Variants in CNTNAP5 observed in about 807,000 individuals in gnomAD.
CNTNAP5 encodes contactin associated protein family member 5.
Under a neutral mutation model 150.2 loss-of-function variants are expected in CNTNAP5, and 72 were observed. The observed-to-expected ratio is 0.48, with a 90% CI of 0.40 to 0.58. CNTNAP5 has a LOEUF of 0.58. CNTNAP5 is among the 20% of genes least tolerant of loss of function. CNTNAP5 has a pLI of 0.00. For synonymous variants in CNTNAP5, 672 were observed against 619.8 expected, an observed-to-expected ratio of 1.08 and a Z score of -1.25; for missense variants, 1,636 against 1,626.2, an observed-to-expected ratio of 1.01 and a Z score of -0.10.
At chr2:124,136,584 C>G (rs1376020959) in intron 1 of CNTNAP5, among the ~76,000 whole-genome samples, 1 of 152,094 alleles carries the variant, frequency 6.6e-6, no homozygotes, top group Non-Finnish European at 1.5e-5. Context: ...GAATACAGTA[C>G]TGAGAGTGAA....
intron 4 of CNTNAP5, among the ~76,000 whole-genome samples, chr2:124,423,207 C>T (rs1692150123): frequency 6.6e-6 from 1 of 152,168 alleles, no homozygotes; most frequent in African/African-American, 2.4e-5. Flanking sequence ...ACTAGTGTTG[C>T]TTCAACCAAG....
intron 14 of CNTNAP5, among the ~76,000 whole-genome samples, chr2:124,750,735 C>T (rs1337255973): frequency 6.6e-6 from 1 of 151,970 alleles, no homozygotes; most frequent in Admixed American, 6.5e-5. Flanking sequence ...CCTGTAATCC[C>T]AGCACTTTGG....
At chr2:124,351,093 T>C (rs1333561768) in intron 3 of CNTNAP5, among the ~76,000 whole-genome samples, 1 of 152,246 alleles carries the variant, frequency 6.6e-6, no homozygotes, top group Non-Finnish European at 1.5e-5. Flanking sequence ...TACATTTCTC[T>C]AGAGAAGAGA....
chr2:124,106,400 C>T lies in CNTNAP5; in HGVS notation c.82+80668C>T, dbSNP rs1683173918. 2.0e-5 allele frequency among the ~76,000 whole-genome samples: 3 copies of T among 152,106 alleles called. No individual in the cohort carries two copies. In the South Asian group the frequency reaches 6.2e-4, roughly 32 times the overall value. ...ATGGTTGGAATTATAGCACTTTAAG[C>T]CCGACCTCCCAACCTCTGGGCAGAG... On this transcript the variant is annotated intron_variant, in intron 1 of 23. Transcript: ENST00000682447.
chr2:124,800,460 C>A (rs972812852), intron 19 of CNTNAP5, among the ~76,000 whole-genome samples: 5 of 152,084 alleles, frequency 3.3e-5, no homozygotes, highest in African/African-American at 1.2e-4. Context: ...CATCACAACC[C>A]TGTTTGATTG....
chr2:124,564,339 T>C (rs1695962586), intron 11 of CNTNAP5, among the ~76,000 whole-genome samples: 1 of 152,106 alleles, frequency 6.6e-6, no homozygotes, highest in Admixed American at 6.6e-5. Flanking sequence ...CTTGATTTTT[T>C]ATTTGTTTAT....
At position 124,903,013 on chromosome 2, in the gene CNTNAP5, A is replaced by G. The variant is rs754417568; in HGVS notation, c.3568A>G (p.Thr1190Ala). Residue 1190 changes from threonine (T) to alanine (A), a missense_variant, in exon 22 of 24, where the codon ACT becomes GCT. Thr to Ala is a moderately conservative substitution (Grantham distance 58). Transcript: ENST00000682447. ...GCGCCATGCCACTGTCGCGCCTGTG[A>G]CTGTCCATGGGACCTTGACGGAATC... ...ALRHATVAPV[T>A]VHGTLTESSC... 1.9e-6 allele frequency: 3 copies of G among 1,611,418 alleles called. No individual in the cohort carries two copies. Among genetic ancestry groups the G allele is most frequent in the Non-Finnish European group, 2.5e-6 (3 of 1,178,838 alleles).
At chr2:124,250,887 A>G (rs1443825279) in intron 3 of CNTNAP5, among the ~76,000 whole-genome samples, 1 of 152,032 alleles carries the variant, frequency 6.6e-6, no homozygotes. Context: ...AGGAAAGCAT[A>G]ATACAGTAAC....
chr2:124,675,054 T>A (rs1003092887), intron 13 of CNTNAP5, among the ~76,000 whole-genome samples: 1 of 152,142 alleles, frequency 6.6e-6, no homozygotes, highest in African/African-American at 2.4e-5. Context: ...GAGTGTTGGA[T>A]TCTCAACCAT....
At chr2:124,808,903 G>A (rs548100893) in intron 19 of CNTNAP5, among the ~76,000 whole-genome samples, 17 of 152,140 alleles carry the variant, frequency 1.1e-4, no homozygotes, top group African/African-American at 3.9e-4. Flanking sequence ...CGGAAATAAA[G>A]GACTGTCTGC....
intron 19 of CNTNAP5, among the ~76,000 whole-genome samples, chr2:124,832,792 C>T (rs1001365200): frequency 1.3e-5 from 2 of 152,032 alleles, no homozygotes; most frequent in African/African-American, 2.4e-5. Flanking sequence ...GAATAGACAA[C>T]AGATTCAAGT....
intron 13 of CNTNAP5, among the ~76,000 whole-genome samples, chr2:124,653,614 G>T (rs1471054479): frequency 1.3e-5 from 2 of 150,554 alleles, no homozygotes; most frequent in African/African-American, 2.5e-5. Context: ...AAAAATTAAT[G>T]ATTTAGTTTA....
At chr2:124,429,987 T>G (rs553919526) in intron 4 of CNTNAP5, among the ~76,000 whole-genome samples, 2 of 152,142 alleles carry the variant, frequency 1.3e-5, no homozygotes, top group African/African-American at 4.8e-5. Flanking sequence ...ACAGCGTACA[T>G]CTGGCCCTTG....
intron 6 of CNTNAP5, among the ~76,000 whole-genome samples, chr2:124,456,438 C>T (rs1693120814): frequency 6.6e-6 from 1 of 152,062 alleles, no homozygotes; most frequent in Non-Finnish European, 1.5e-5. Flanking sequence ...TAAATGGAAA[C>T]ACGTCCCATG....
intron 18 of CNTNAP5, among the ~76,000 whole-genome samples, chr2:124,796,256 A>G (rs1681843761): frequency 6.6e-6 from 1 of 152,184 alleles, no homozygotes; most frequent in Non-Finnish European, 1.5e-5. Flanking sequence ...GAAAAAAGTA[A>G]TATCCTGTAT....
intron 3 of CNTNAP5, among the ~76,000 whole-genome samples, chr2:124,405,681 G>A (rs917265189): frequency 3.3e-5 from 5 of 152,142 alleles, no homozygotes; most frequent in East Asian, 1.9e-4. Flanking sequence ...GTAGTTATTC[G>A]TGGCCTCACA....
intron 10 of CNTNAP5, among the ~76,000 whole-genome samples, chr2:124,547,916 T>C (rs1474865357): frequency 1.3e-5 from 2 of 152,184 alleles, no homozygotes; most frequent in Non-Finnish European, 2.9e-5. Flanking sequence ...GAAGCTATGC[T>C]GTGTCTCTTC....
intron 3 of CNTNAP5, among the ~76,000 whole-genome samples, chr2:124,359,027 T>C (rs1390847895): frequency 6.6e-6 from 1 of 150,848 alleles, no homozygotes; most frequent in Non-Finnish European, 1.5e-5. Context: ...CCTGGTTTAG[T>C]CTTGGGAGAG....
At chr2:124,727,559 A>C (rs906801317) in intron 13 of CNTNAP5, among the ~76,000 whole-genome samples, 7 of 151,954 alleles carry the variant, frequency 4.6e-5, no homozygotes, top group African/African-American at 1.7e-4. Flanking sequence ...TTTCTAAGTA[A>C]ATTCATTCAT....
Sources: gnomAD v4.1 joint callset for allele counts (sites outside exome capture counted in the v4.1 genomes callset) on GRCh38, gnomAD v4.1.1 for gene constraint, MANE v1.5 for transcripts, NCBI Gene and HGNC (gene_info 2026-07-23, HGNC 2026-07-21) for gene names.